The following NCALD variants were observed in gnomAD, a reference collection of about 807,000 sequenced individuals.
NCALD encodes the protein neurocalcin-delta.
A neutral mutation model predicts 18.6 loss-of-function variants in NCALD; 10 were observed. The observed-to-expected ratio is 0.54, with a 90% CI of 0.33 to 0.91. The LOEUF (loss-of-function observed/expected upper bound fraction) is 0.91, where lower values mean the gene tolerates loss of function less well. Ranked by LOEUF, NCALD falls within the 40% of genes least tolerant of loss-of-function variation. The pLI, the probability that NCALD is intolerant of heterozygous loss-of-function variation, is 0.03. For synonymous variants in NCALD, 88 were observed against 87.4 expected, an observed-to-expected ratio of 1.01 and a Z score of -0.04; for missense variants, 184 against 247.6, an observed-to-expected ratio of 0.74 and a Z score of 1.72.
At chr8:101,953,935 T>G (rs1403873580) in intron 2 of NCALD, among the ~76,000 whole-genome samples, 1 of 152,094 alleles carries the variant, frequency 6.6e-6, no homozygotes, top group Non-Finnish European at 1.5e-5. Flanking sequence ...ATAAGAGAAG[T>G]CTTGTAGAGG....
intron 2 of NCALD, among the ~76,000 whole-genome samples, chr8:101,985,268 C>T (rs562946560): frequency 1.7e-4 from 26 of 152,216 alleles, no homozygotes; most frequent in African/African-American, 5.8e-4. Context: ...GTGAGTGAGC[C>T]GTCTTGAAGG....
At chr8:101,712,073 C>G (rs569366443) in intron 2 of NCALD, among the ~76,000 whole-genome samples, 1 of 152,340 alleles carries the variant, frequency 6.6e-6, no homozygotes, top group East Asian at 1.9e-4. Flanking sequence ...GTGGCTCTCT[C>G]TGCAGAAACC....
At chr8:101,933,174 T>A (rs1818640412) in intron 2 of NCALD, among the ~76,000 whole-genome samples, 1 of 152,220 alleles carries the variant, frequency 6.6e-6, no homozygotes, top group Admixed American at 6.5e-5. Context: ...TATGTCCATG[T>A]CCTAGTCCCC....
intron 2 of NCALD, among the ~76,000 whole-genome samples, chr8:101,978,735 A>T (rs556041476): frequency 6.6e-6 from 1 of 152,268 alleles, no homozygotes; most frequent in South Asian, 2.1e-4. Flanking sequence ...CTTATTCACC[A>T]TGGATCCTCA....
intron 2 of NCALD, among the ~76,000 whole-genome samples, chr8:101,938,050 T>C (rs2131737576): frequency 6.6e-6 from 1 of 152,318 alleles, no homozygotes; most frequent in South Asian, 2.1e-4. Flanking sequence ...GCTCTAACCA[T>C]GATGCGCCAT....
chr8:101,921,769 T>C (rs1477946), intron 2 of NCALD, among the ~76,000 whole-genome samples: 30,136 of 152,050 alleles, frequency 0.2, 4,389 homozygotes, highest in African/African-American at 0.41. Flanking sequence ...TTTCCTTACT[T>C]ATAATAACCT....
At chr8:102,113,276 T>C (rs1471856596) in intron 1 of NCALD, among the ~76,000 whole-genome samples, 2 of 152,238 alleles carry the variant, frequency 1.3e-5, no homozygotes, top group Non-Finnish European at 2.9e-5. Context: ...AATCTATTTT[T>C]GCCATCTTTA....
At chr8:101,937,660 T>G (rs565334747) in intron 2 of NCALD, among the ~76,000 whole-genome samples, 1 of 152,300 alleles carries the variant, frequency 6.6e-6, no homozygotes, top group African/African-American at 2.4e-5. Flanking sequence ...TCACACCTTT[T>G]GACCAGCCAA....
intron 1 of NCALD, among the ~76,000 whole-genome samples, chr8:102,040,149 G>A (rs16868941): frequency 0.18 from 26,822 of 152,116 alleles, 2,500 homozygotes; most frequent in Non-Finnish European, 0.19. Flanking sequence ...AGCTTATAGT[G>A]AGGATTGGAT....
chr8:101,768,860 T>C (rs949178536), intron 1 of NCALD, among the ~76,000 whole-genome samples: 6 of 152,214 alleles, frequency 3.9e-5, no homozygotes, highest in Non-Finnish European at 5.9e-5. Context: ...TCCTAATCCC[T>C]GAAACCTGTG....
intron 2 of NCALD, among the ~76,000 whole-genome samples, chr8:101,697,595 C>T (rs766310830): frequency 3.3e-5 from 5 of 152,144 alleles, no homozygotes. Flanking sequence ...AGCTTATCCA[C>T]CATGATCAAG....
intron 2 of NCALD, among the ~76,000 whole-genome samples, chr8:102,013,328 G>A (rs1380912522): frequency 6.6e-6 from 1 of 152,202 alleles, no homozygotes; most frequent in Non-Finnish European, 1.5e-5. Context: ...AGATGAACCT[G>A]TTCATAATTT....
chr8:102,054,160 A>G (rs1281818458), intron 1 of NCALD, among the ~76,000 whole-genome samples: 1 of 152,220 alleles, frequency 6.6e-6, no homozygotes, highest in Non-Finnish European at 1.5e-5. Context: ...TGCACTGAAT[A>G]TGCTTACCAT....
chr8:102,123,055 C>T (rs960417927), intron 1 of NCALD, among the ~76,000 whole-genome samples: 8 of 152,224 alleles, frequency 5.3e-5, no homozygotes, highest in African/African-American at 1.9e-4. Context: ...AGGCCTTTGG[C>T]CATAAAACAC....
rs3085988 is a variant in NCALD at position 102,057,257 on chromosome 8, T to TACACACACACACACACAC, written c.-209-36986_-209-36969dup. On this transcript the variant is annotated intron_variant, in intron 1 of 6. Transcript: ENST00000311028. ...TTCTCCCTTCTACTTGGCTAGTTCATACACACACACACACACACACACACA... is the reference window on the plus strand; with the variant it reads ...TTCTCCCTTCTACTTGGCTAGTTCATACACACACACACACACACACACACACACACACACACACACACA... Among the ~76,000 whole-genome samples the TACACACACACACACACAC allele has an allele frequency of 1.9e-3, 285 of 147,764 alleles. 2 individuals are homozygous for TACACACACACACACACAC. The highest frequency in any genetic ancestry group is 6.7e-3 in the African/African-American group (267 of 39,980).
intron 1 of NCALD, among the ~76,000 whole-genome samples, chr8:102,021,885 TACTC>T (rs10574035): frequency 0.16 from 23,857 of 152,024 alleles, 2,550 homozygotes; most frequent in African/African-American, 0.3. Context: ...AGGTTGGAAA[TACTC>T]AACCATGTCT....
chr8:102,121,677 G>A (rs960344503), intron 1 of NCALD, among the ~76,000 whole-genome samples: 1 of 152,178 alleles, frequency 6.6e-6, no homozygotes, highest in Non-Finnish European at 1.5e-5. Flanking sequence ...ACCTTTTCAT[G>A]AGAGAAGTAA....
At chr8:102,048,548 G>A (rs553449295) in intron 1 of NCALD, among the ~76,000 whole-genome samples, 11 of 152,316 alleles carry the variant, frequency 7.2e-5, no homozygotes, top group Admixed American at 3.3e-4. Context: ...ATTTGGCTAC[G>A]AGCAGGCTAT....
intron 4 of NCALD, among the ~76,000 whole-genome samples, chr8:101,831,254 T>C (rs1456417497): frequency 6.6e-6 from 1 of 152,196 alleles, no homozygotes; most frequent in African/African-American, 2.4e-5. Context: ...TCTGGGCTAA[T>C]GAGAGGGAAA....
Sources: gnomAD v4.1 joint callset for allele counts (sites outside exome capture counted in the v4.1 genomes callset) on GRCh38, gnomAD v4.1.1 for gene constraint, MANE v1.5 for transcripts, NCBI Gene and HGNC (gene_info 2026-07-23, HGNC 2026-07-21) for gene names.